Variants in WNT3 observed in about 807,000 individuals in gnomAD.
WNT3 encodes the protein Wnt family member 3.
Under a neutral mutation model 34.2 loss-of-function variants are expected in WNT3, and 7 were observed. The ratio of observed to expected loss-of-function variants is 0.20; its 90% CI spans 0.12 to 0.38. WNT3 has a LOEUF of 0.38. WNT3 is among the 10% of genes least tolerant of loss of function. The pLI is 1.00. For synonymous variants in WNT3, 212 were observed against 211.5 expected, an observed-to-expected ratio of 1.00 and a Z score of -0.02; for missense variants, 267 against 499.8, an observed-to-expected ratio of 0.53 and a Z score of 4.44.
At position 46,763,053 on chromosome 17, in the gene WNT3, C is replaced by T. The variant is rs2059281776; in HGVS notation, c.*1577G>A. The T allele has an allele frequency of 6.6e-6, 1 of 152,104 alleles. No homozygotes were observed. Among genetic ancestry groups the T allele is most frequent in the Non-Finnish European group, 1.5e-5 (1 of 68,026 alleles). The allele number at this position is 152,104 out of a possible 1,614,324, so 9.4% of individuals were successfully genotyped here. A position where few individuals can be genotyped will look rare whatever the true frequency, so the allele number is the denominator to read the frequency against. The stretch of plus-strand genomic sequence containing the variant: ...GTGTATCTTTAGCAGGGCTTGTGGC[C>T]AGCAGATTTAGAAGTGAAGGCGGGC... On this transcript the variant is annotated 3_prime_UTR_variant, in exon 5 of 5. Coordinates refer to ENST00000225512, the MANE Select transcript of WNT3 (RefSeq NM_030753.5).
In WNT3 at chr17:46,795,923, CAT is replaced by C. The variant is rs568342948; in HGVS notation, c.81-22016_81-22015del. ...ATGCACGCACACACACGTGTGCACA[CAT>C]GTTAAATTCTAACCCTTGCAGTACC... On this transcript the variant is annotated intron_variant, in intron 1 of 4. Coordinates refer to ENST00000225512, the MANE Select transcript of WNT3 (RefSeq NM_030753.5). Among the ~76,000 whole-genome samples the C allele has an allele frequency of 1.3e-3, 203 of 152,234 alleles. 1 individual carries two copies. Among genetic ancestry groups the C allele is most frequent in the African/African-American group, 4.5e-3 (185 of 41,522 alleles).
intron 1 of WNT3, among the ~76,000 whole-genome samples, chr17:46,804,921 C>G (rs1452673879): frequency 7.5e-6 from 1 of 133,456 alleles, no homozygotes; most frequent in East Asian, 2.7e-4. Flanking sequence ...CCCCGCCCAC[C>G]CCCCCCACCC....
rs1028318970 is a variant in WNT3 at position 46,763,426 on chromosome 17, T to C, written c.*1204A>G. Reference sequence around the variant, plus strand: ...TCCAGATCCTTGGGAACTGCATGGATGGAAGCTATCTCAGCATGCAGGTGA... The same window carrying C: ...TCCAGATCCTTGGGAACTGCATGGACGGAAGCTATCTCAGCATGCAGGTGA... On this transcript the variant is annotated 3_prime_UTR_variant, in exon 5 of 5. Transcript: ENST00000225512. The C allele has an allele frequency of 6.6e-6, 1 of 152,076 alleles. No individual in the cohort carries two copies. Among genetic ancestry groups the C allele is most frequent in the African/African-American group, 2.4e-5 (1 of 41,402 alleles). The allele number at this position is 152,076 out of a possible 1,614,324, so 9.4% of individuals were successfully genotyped here.
chr17:46,811,132 C>T lies in WNT3; in HGVS notation c.80+7386G>A, dbSNP rs1041213401. 5.5e-5 allele frequency among the ~76,000 whole-genome samples: 8 copies of T among 144,552 alleles called. 1 individual carries two copies. Among genetic ancestry groups the T allele is most frequent in the South Asian group, 4.2e-4 (2 of 4,728 alleles). 94.8% of individuals were successfully genotyped at this position (144,552 alleles called of 152,430 possible). ...CAGGCCAGGCTGCAAACAGATAAATCGACACTACTGGCTTCAGCAACTCTA... is the reference window on the plus strand; with the variant it reads ...CAGGCCAGGCTGCAAACAGATAAATTGACACTACTGGCTTCAGCAACTCTA... On this transcript the variant is annotated intron_variant, in intron 1 of 4. Transcript: ENST00000225512.
intron 1 of WNT3, among the ~76,000 whole-genome samples, chr17:46,790,558 C>T (rs2083971444): frequency 6.6e-6 from 1 of 152,070 alleles, no homozygotes; most frequent in South Asian, 2.1e-4. Context: ...GGGTCCTCTG[C>T]CCTCCCCCTG....
chr17:46,794,771 A>G (rs1378693584), intron 1 of WNT3, among the ~76,000 whole-genome samples: 7 of 122,610 alleles, frequency 5.7e-5, no homozygotes, highest in Admixed American at 8.4e-5. Context: ...TTTTTTTTTT[A>G]ACAGATTCTT....
chr17:46,784,320 G>T (rs1471414466), intron 1 of WNT3, among the ~76,000 whole-genome samples: 2 of 152,304 alleles, frequency 1.3e-5, no homozygotes, highest in South Asian at 4.2e-4. Flanking sequence ...GAGGAAGTGC[G>T]TGGGGCCAGA....
Position 46,768,467 on chromosome 17 carries a change from G to A in WNT3, c.921C>T (p.Ile307=), listed in dbSNP as rs150717986. ...DRTCNVTSHG[I]DGCDLLCCGR... ...CACAGCAGAGCAGATCGCAGCCATC[G>A]ATGCCGTGGGAGGTGACATTGCAAG... Residue 307 remains isoleucine, a synonymous_variant, in exon 4 of 5, where the codon ATC becomes ATT. Transcript: ENST00000225512. The surrounding 1 kb of genome is among the most constrained non-coding windows in gnomAD (Gnocchi z 5.0). 140 of 1,614,150 alleles carry A rather than the reference G, an allele frequency of 8.7e-5. No individual in the cohort carries two copies. The African/African-American group carries it at 1.5e-3, about 17-fold the overall frequency.
At chr17:46,771,872 T>C (rs1297184608) in intron 2 of WNT3, among the ~76,000 whole-genome samples, 2 of 140,222 alleles carry the variant, frequency 1.4e-5, no homozygotes, top group African/African-American at 5.2e-5. Flanking sequence ...CCCAGGCCCC[T>C]CCGGCGCCCG....
At chr17:46,779,969 G>A (rs2059446674) in intron 1 of WNT3, among the ~76,000 whole-genome samples, 3 of 152,154 alleles carry the variant, frequency 2.0e-5, no homozygotes, top group South Asian at 4.1e-4. Flanking sequence ...ATATTGGCCA[G>A]GCTGGTCTGG....
At chr17:46,765,404 T>C (rs1035048337) in intron 4 of WNT3, among the ~76,000 whole-genome samples, 5 of 152,180 alleles carry the variant, frequency 3.3e-5, no homozygotes, top group African/African-American at 9.7e-5. Flanking sequence ...ACCAAATCAA[T>C]GGTTAGCCAG....
intron 1 of WNT3, among the ~76,000 whole-genome samples, chr17:46,813,186 A>G (rs1324457404): frequency 6.6e-6 from 1 of 151,786 alleles, no homozygotes; most frequent in Non-Finnish European, 1.5e-5. Flanking sequence ...TGTGCAGTAG[A>G]GTGTCATGCT....
chr17:46,803,626 C>T lies in WNT3; in HGVS notation c.80+14892G>A, dbSNP rs114578142. ...GGGCTAGGTTACCTGATAAAGTTCA[C>T]GCTAGACAATGGTGACATGGGAGAT... On this transcript the variant is annotated intron_variant, in intron 1 of 4. Transcript: ENST00000225512. Among the ~76,000 whole-genome samples the T allele has an allele frequency of 3.8e-3, 574 of 152,348 alleles. 5 individuals carry two copies. Among genetic ancestry groups the T allele is most frequent in the African/African-American group, 0.013 (547 of 41,584 alleles).
At chr17:46,804,516 A>C (rs2084167832) in intron 1 of WNT3, among the ~76,000 whole-genome samples, 1 of 152,228 alleles carries the variant, frequency 6.6e-6, no homozygotes, top group African/African-American at 2.4e-5. Flanking sequence ...GAAGCCTCTA[A>C]ATCAGAGAGC....
At chr17:46,799,230 C>T (rs983043819) in intron 1 of WNT3, among the ~76,000 whole-genome samples, 13 of 152,058 alleles carry the variant, frequency 8.5e-5, no homozygotes, top group African/African-American at 2.2e-4. Context: ...CCTCCCCACC[C>T]GCTTCTTTCT....
chr17:46,795,221 G>T (rs2084037875), intron 1 of WNT3, among the ~76,000 whole-genome samples: 1 of 152,048 alleles, frequency 6.6e-6, no homozygotes, highest in Admixed American at 6.6e-5. Context: ...AACACCCTCT[G>T]GAATGTGCAT....
At chr17:46,772,231 C>T (rs1385435881) in intron 2 of WNT3, among the ~76,000 whole-genome samples, 1 of 152,198 alleles carries the variant, frequency 6.6e-6, no homozygotes, top group Non-Finnish European at 1.5e-5. Flanking sequence ...CAGCAAATTC[C>T]CAAACTCTCG....
Position 46,768,712 on chromosome 17 carries a change from C to A in WNT3, c.676G>T (p.Asp226Tyr). The change falls in exon 4 of 5, where the codon GAC (aspartate) becomes TAC (tyrosine). Residue 226 changes from aspartate to tyrosine, a missense_variant. Asp to Tyr is a radical substitution (Grantham distance 160). Around this residue, in one of 3 missense-constraint regions of WNT3, gnomAD observed 181 missense variants for 391.3 expected, o/e 0.46. Coordinates refer to ENST00000225512, the MANE Select transcript of WNT3 (RefSeq NM_030753.5). This position sits in a 1 kb window ranked among gnomAD's most constrained non-coding sequence, Gnocchi z 5.0. ...AGGAAGTCACCGATGGCACGGAAGT[C>A]AGGCTGCGCCCACCAGCAGGTCTTC... The part of the protein sequence containing the change: ...EVKTCWWAQP[D>Y]FRAIGDFLKD... The A allele has an allele frequency of 6.2e-7, 1 of 1,614,104 alleles. No individual in the cohort carries two copies. The highest frequency in any genetic ancestry group is 8.5e-7 in the Non-Finnish European group (1 of 1,180,030).
At chr17:46,780,923 G>A (rs953572068) in intron 1 of WNT3, among the ~76,000 whole-genome samples, 2 of 152,126 alleles carry the variant, frequency 1.3e-5, no homozygotes, top group Non-Finnish European at 2.9e-5. Context: ...CATACATACA[G>A]TGGGACCCTA....
Sources: gnomAD v4.1 joint callset for allele counts (sites outside exome capture counted in the v4.1 genomes callset) on GRCh38, gnomAD v4.1.1 for gene constraint, gnomAD v4.1.1 regional missense constraint, Gnocchi (gnomAD v3.1) non-coding constraint, MANE v1.5 for transcripts, NCBI Gene and HGNC (gene_info 2026-07-23, HGNC 2026-07-21) for gene names.